The following GLI3 variants were observed in gnomAD, a reference collection of about 807,000 sequenced individuals.
The protein encoded by GLI3 is GLI family zinc finger 3.
In GLI3, 20 loss-of-function variants were observed where a neutral mutation model predicts 100.8. The observed-to-expected ratio is 0.20, with a 90% CI of 0.14 to 0.29. The LOEUF (loss-of-function observed/expected upper bound fraction) is 0.29, where lower values mean the gene tolerates loss of function less well. Among genes scored for constraint, GLI3 ranks in the 10% least tolerant of loss-of-function variants. GLI3 has a pLI of 1.00. For synonymous variants in GLI3, 938 were observed against 860.5 expected, an observed-to-expected ratio of 1.09 and a Z score of -1.58; for missense variants, 2,040 against 2,128.5, an observed-to-expected ratio of 0.96 and a Z score of 0.82.
intron 3 of GLI3, among the ~76,000 whole-genome samples, chr7:42,129,758 C>T (rs1032900213): frequency 8.6e-5 from 13 of 151,978 alleles, no homozygotes; most frequent in African/African-American, 2.7e-4. Flanking sequence ...TGCATTGAGC[C>T]GAGATCGCGC....
At chr7:42,139,032 A>G (rs148600926) in intron 3 of GLI3, among the ~76,000 whole-genome samples, 623 of 152,282 alleles carry the variant, frequency 4.1e-3, no homozygotes, top group Non-Finnish European at 6.4e-3. Flanking sequence ...TGGTGGTGTT[A>G]GCTACTAAAT....
chr7:42,187,660 G>T (rs909547552), intron 2 of GLI3, among the ~76,000 whole-genome samples: 2 of 152,094 alleles, frequency 1.3e-5, no homozygotes, highest in Admixed American at 6.5e-5. Context: ...GTAAGATGAG[G>T]TTATACTGGA....
At chr7:42,084,817 A>G (rs1280004576) in intron 3 of GLI3, among the ~76,000 whole-genome samples, 1 of 151,786 alleles carries the variant, frequency 6.6e-6, no homozygotes, top group East Asian at 1.9e-4. Flanking sequence ...GTTACCAGTG[A>G]CAAATTTTTA....
intron 1 of GLI3, among the ~76,000 whole-genome samples, chr7:42,234,423 G>T (rs933862360): frequency 6.6e-6 from 1 of 152,140 alleles, no homozygotes; most frequent in African/African-American, 2.4e-5. Flanking sequence ...AGAAACAAAG[G>T]AAAGTCCAAC....
At chr7:42,104,372 G>A (rs748958693) in intron 3 of GLI3, among the ~76,000 whole-genome samples, 7 of 152,156 alleles carry the variant, frequency 4.6e-5, no homozygotes, top group Admixed American at 6.5e-5. Context: ...TCACACATCC[G>A]CTCTAGCATT....
chr7:42,091,826 C>T (rs1785226920), intron 3 of GLI3, among the ~76,000 whole-genome samples: 1 of 152,222 alleles, frequency 6.6e-6, no homozygotes, highest in Non-Finnish European at 1.5e-5. Flanking sequence ...AACTGTTTTC[C>T]TTCCCTCCAC....
At position 42,022,219 on chromosome 7, in the gene GLI3, C is replaced by A. The variant is rs184133896; in HGVS notation, c.1497+1249G>T. 2.0e-4 allele frequency among the ~76,000 whole-genome samples: 30 copies of A among 152,232 alleles called. No individual in the cohort carries two copies. The East Asian group carries it at 5.4e-3, about 27-fold the overall frequency. On this transcript the variant is annotated intron_variant, in intron 10 of 14. Transcript: ENST00000395925. Reference sequence around the variant, plus strand: ...TGTCATGTAAAATCCTCAAAACATTCTGTATAGAACAGAGCTCAAAATCTG... The same window carrying A: ...TGTCATGTAAAATCCTCAAAACATTATGTATAGAACAGAGCTCAAAATCTG...
chr7:41,973,583 G>T (rs1350011283), intron 12 of GLI3, among the ~76,000 whole-genome samples: 1 of 152,104 alleles, frequency 6.6e-6, no homozygotes, highest in Non-Finnish European at 1.5e-5. Flanking sequence ...TATAATATAC[G>T]CAAGAATGCT....
chr7:42,249,078 C>CA (rs952922565), intron 1 of GLI3, among the ~76,000 whole-genome samples: 1 of 151,952 alleles, frequency 6.6e-6, no homozygotes, highest in South Asian at 2.1e-4. Context: ...TTTTAAGGGA[C>CA]AAAAAAATTC....
At chr7:42,179,970 G>A (rs973395983) in intron 2 of GLI3, among the ~76,000 whole-genome samples, 2 of 152,184 alleles carry the variant, frequency 1.3e-5, no homozygotes, top group African/African-American at 4.8e-5. Flanking sequence ...GGAGAGAGCA[G>A]GGCTGGAAGA....
At position 42,023,492 on chromosome 7, in the gene GLI3, G is replaced by A. The variant is rs572462647; in HGVS notation, c.1473C>T (p.Phe491=). 24 of 1,614,058 alleles carry A rather than the reference G, an allele frequency of 1.5e-5. No homozygotes were observed. Among genetic ancestry groups the A allele is most frequent in the African/African-American group, 5.3e-5 (4 of 75,006 alleles). Residue 491 remains phenylalanine, a synonymous_variant, in exon 10 of 15, where the codon TTC becomes TTT. Coordinates refer to ENST00000395925, the MANE Select transcript of GLI3 (RefSeq NM_000168.6). ...CGTGCACAAGCTGCTCTTGGGTGTC[G>A]AACTCCCTCGCGCAGCCTTCCCAGT... is the stretch of plus-strand genomic sequence containing the variant. The part of the protein sequence containing the change: ...NCHWEGCARE[F]DTQEQLVHHI...
At chr7:42,083,285 A>T (rs1009330151) in intron 3 of GLI3, among the ~76,000 whole-genome samples, 3 of 152,198 alleles carry the variant, frequency 2.0e-5, no homozygotes, top group Non-Finnish European at 4.4e-5. Flanking sequence ...CAAATAAGTG[A>T]GATCAAGTTC....
chr7:42,161,768 T>A (rs1787135397), intron 2 of GLI3, among the ~76,000 whole-genome samples: 1 of 152,222 alleles, frequency 6.6e-6, no homozygotes, highest in Non-Finnish European at 1.5e-5. Flanking sequence ...AAGAGGCATA[T>A]CCAAGAATAA....
chr7:42,024,647 C>T (rs1026760339), intron 9 of GLI3, among the ~76,000 whole-genome samples: 2 of 152,150 alleles, frequency 1.3e-5, no homozygotes, highest in Non-Finnish European at 2.9e-5. Flanking sequence ...TGGGTATAAC[C>T]TACACATCCT....
At chr7:42,102,953 A>G (rs538587826) in intron 3 of GLI3, among the ~76,000 whole-genome samples, 34 of 152,350 alleles carry the variant, frequency 2.2e-4, no homozygotes, top group African/African-American at 7.9e-4. Context: ...CATTCTGCAG[A>G]TAGATGCTGA....
rs1169700565 is a variant in GLI3, at chr7:41,980,131, T to G, written c.1498-1383A>C. Among the ~76,000 whole-genome samples the G allele has an allele frequency of 2.0e-5, 3 of 152,100 alleles. No homozygotes were observed. The East Asian group carries it at 5.8e-4, about 29-fold the overall frequency. ...AATCTGATGAAGAGCAGAGAGAGAG[T>G]GGTACATTGCAGCACACAAGAAGAG... On this transcript the variant is annotated intron_variant, in intron 10 of 14. Transcript: ENST00000395925.
At chr7:42,083,876 T>C (rs918611755) in intron 3 of GLI3, among the ~76,000 whole-genome samples, 3 of 152,204 alleles carry the variant, frequency 2.0e-5, no homozygotes, top group Admixed American at 2.0e-4. Flanking sequence ...AGATAATGGA[T>C]GAAATTAACC....
At chr7:42,043,670 T>C (rs556291057) in intron 6 of GLI3, among the ~76,000 whole-genome samples, 1 of 152,330 alleles carries the variant, frequency 6.6e-6, no homozygotes, top group South Asian at 2.1e-4. Flanking sequence ...CAATTTACCA[T>C]ATACTCAGGC....
intron 2 of GLI3, among the ~76,000 whole-genome samples, chr7:42,192,465 A>T (rs573167481): frequency 2.0e-5 from 3 of 152,256 alleles, no homozygotes; most frequent in Admixed American, 2.0e-4. Flanking sequence ...AGATAAAGAC[A>T]AAAGAAAAGA....
Sources: allele counts gnomAD v4.1 joint callset (sites outside exome capture counted in the v4.1 genomes callset), GRCh38; gene constraint gnomAD v4.1.1; transcripts MANE v1.5; gene names NCBI Gene and HGNC (gene_info 2026-07-23, HGNC 2026-07-21).